Variants in RANBP2 observed in about 807,000 individuals in gnomAD.
RANBP2 encodes the protein E3 SUMO-protein ligase RanBP2.
RANBP2 carries 57 observed loss-of-function variants against 303.6 expected under a neutral mutation model. The observed-to-expected ratio is 0.19, with a 90% CI of 0.15 to 0.23. The LOEUF (loss-of-function observed/expected upper bound fraction) is 0.23, where lower values mean the gene tolerates loss of function less well. Among genes scored for constraint, RANBP2 ranks in the 10% least tolerant of loss-of-function variants. RANBP2 has a pLI of 1.00. For missense variants in RANBP2, 3,138 were observed against 3,780.8 expected (o/e 0.83, Z 4.46); for synonymous variants, 1,167 against 1,301.5 (o/e 0.90, Z 2.23).
At chr2:108,748,595 G>C (rs1435107041) in intron 8 of RANBP2, among the ~76,000 whole-genome samples, 4 of 152,138 alleles carry the variant, frequency 2.6e-5, no homozygotes, top group African/African-American at 7.2e-5. Flanking sequence ...TCAGATCAGA[G>C]AATAAGAGTT....
At chr2:109,077,855 C>T in the RANBP2 span, among the ~76,000 whole-genome samples, 1 of 148,852 alleles carries the variant, frequency 6.7e-6, no homozygotes, top group African/African-American at 2.4e-5. Context: ...ATACACTGTT[C>T]ATGGGAATGC....
Position 108,765,274 on chromosome 2 carries a change from C to G in RANBP2, c.4735C>G (p.Pro1579Ala). The change falls in exon 20 of 29, where the codon CCA becomes GCA. Residue 1579 changes from proline (P) to alanine (A), a missense_variant. Physicochemically the swap from Pro to Ala is conservative, Grantham distance 27. Transcript: ENST00000283195. ...TAAACCAAGTCCATCTACTTCTGTT[C>G]CAGCTCCTGCCTCTTTTAAGTTTGG... Reference protein sequence around the residue: ...PDKPSPSTSVPAPASFKFGTS... With the variant: ...PDKPSPSTSVAAPASFKFGTS... 3.1e-6 allele frequency: 5 copies of G among 1,613,842 alleles called. No individual in the cohort carries two copies. The highest frequency in any genetic ancestry group is 3.4e-6 in the Non-Finnish European group (4 of 1,179,940).
chr2:109,726,364 C>T, the RANBP2 span, among the ~76,000 whole-genome samples: 11 of 151,968 alleles, frequency 7.2e-5, no homozygotes, highest in African/African-American at 1.2e-4. Context: ...GAGCCAGGAT[C>T]GCACCACTGC....
chr2:109,540,398 C>T, the RANBP2 span, among the ~76,000 whole-genome samples: 1 of 152,058 alleles, frequency 6.6e-6, no homozygotes, highest in South Asian at 2.1e-4. Context: ...TTCCTATACT[C>T]CTATCAATCT....
chr2:109,399,034 C>A, the RANBP2 span: 1 of 1,346,416 alleles, frequency 7.4e-7, no homozygotes, highest in Non-Finnish European at 1.0e-6. Flanking sequence ...CCTCAACTAG[C>A]ATGGAGGCCG....
At chr2:109,473,635 A>G in the RANBP2 span, among the ~76,000 whole-genome samples, 44 of 152,186 alleles carry the variant, frequency 2.9e-4, 1 homozygote, top group African/African-American at 9.2e-4. Flanking sequence ...TTCAAGGGGG[A>G]GGGATGAGGG....
At chr2:109,382,453 C>T in the RANBP2 span, among the ~76,000 whole-genome samples, 1 of 152,164 alleles carries the variant, frequency 6.6e-6, no homozygotes, top group Non-Finnish European at 1.5e-5. Flanking sequence ...CTCCTGACCC[C>T]CGACGTGGTT....
chr2:109,038,084 T>G, the RANBP2 span, among the ~76,000 whole-genome samples: 2 of 152,136 alleles, frequency 1.3e-5, no homozygotes, highest in Non-Finnish European at 2.9e-5. Flanking sequence ...GGCAGAGAGA[T>G]AGACATGTAG....
chr2:109,332,566 C>T, the RANBP2 span, among the ~76,000 whole-genome samples: 1 of 152,238 alleles, frequency 6.6e-6, no homozygotes, highest in Non-Finnish European at 1.5e-5. Context: ...GTTCAGCCCT[C>T]TCTGGACTAG....
the RANBP2 span, chr2:108,846,685 A>G: frequency 6.7e-7 from 1 of 1,486,158 alleles, no homozygotes; most frequent in Non-Finnish European, 9.2e-7. Flanking sequence ...TCAAAAAAAA[A>G]GATATATTCT....
At chr2:109,104,085 T>TGC in the RANBP2 span, among the ~76,000 whole-genome samples, 4 of 152,290 alleles carry the variant, frequency 2.6e-5, no homozygotes, top group African/African-American at 7.2e-5. Context: ...TGAGCCACCA[T>TGC]TTCGGCGAAG....
chr2:108,817,111 A>T, the RANBP2 span, among the ~76,000 whole-genome samples: 2 of 152,186 alleles, frequency 1.3e-5, no homozygotes, highest in Admixed American at 1.3e-4. Flanking sequence ...AAAGGGAATT[A>T]AAGTTGTTAA....
At chr2:109,383,844 G>A in the RANBP2 span, among the ~76,000 whole-genome samples, 58 of 152,314 alleles carry the variant, frequency 3.8e-4, no homozygotes, top group Admixed American at 9.8e-4. Context: ...TCAGTGATCA[G>A]TCCGTCCTTA....
the RANBP2 span, among the ~76,000 whole-genome samples, chr2:109,389,812 T>C: frequency 1.3e-5 from 2 of 152,108 alleles, no homozygotes; most frequent in Non-Finnish European, 2.9e-5. Flanking sequence ...AATGCAGAAA[T>C]GCTTCCCTGA....
chr2:109,341,031 C>T, the RANBP2 span, among the ~76,000 whole-genome samples: 1 of 152,196 alleles, frequency 6.6e-6, no homozygotes, highest in African/African-American at 2.4e-5. Flanking sequence ...TTAGTAGTGG[C>T]CTCGTCACCC....
the RANBP2 span, among the ~76,000 whole-genome samples, chr2:109,315,509 G>A: frequency 5.3e-5 from 8 of 152,256 alleles, no homozygotes; most frequent in African/African-American, 1.4e-4. Context: ...GTATGAAAAT[G>A]TGCATATACA....
At chr2:109,583,759 G>A in the RANBP2 span, among the ~76,000 whole-genome samples, 1 of 152,158 alleles carries the variant, frequency 6.6e-6, no homozygotes, top group African/African-American at 2.4e-5. Flanking sequence ...AACGTGGACT[G>A]GATAAAACAA....
At chr2:108,931,156 C>G in the RANBP2 span, 33 of 795,720 alleles carry the variant, frequency 4.1e-5, no homozygotes, top group African/African-American at 4.1e-4. Context: ...ACTATACATC[C>G]TAAAAGAAAA....
At chr2:108,830,396 A>G in the RANBP2 span, among the ~76,000 whole-genome samples, 1 of 152,226 alleles carries the variant, frequency 6.6e-6, no homozygotes, top group South Asian at 2.1e-4. Flanking sequence ...AGTTATGTAT[A>G]TTTTACCATA....
Sources: gnomAD v4.1 joint callset for allele counts (sites outside exome capture counted in the v4.1 genomes callset) on GRCh38, gnomAD v4.1.1 for gene constraint, MANE v1.5 for transcripts, NCBI Gene and HGNC (gene_info 2026-07-23, HGNC 2026-07-21) for gene names.